Variants in NAV3 observed in about 807,000 individuals in gnomAD.
The protein encoded by NAV3 is pore membrane and/or filament interacting like protein 1.
In NAV3, 87 loss-of-function variants were observed where a neutral mutation model predicts 244.7. That is an observed-to-expected ratio of 0.36 (90% CI 0.30 to 0.42). NAV3 has a LOEUF of 0.42. Among genes scored for constraint, NAV3 ranks in the 20% least tolerant of loss-of-function variants. The pLI is 1.00. For synonymous variants in NAV3, 1,126 were observed against 1,042.2 expected (o/e 1.08, Z -1.55); for missense variants, 2,663 against 2,893.3 (o/e 0.92, Z 1.83).
chr12:77,701,051 A>G (rs550021999), intron 2 of NAV3, among the ~76,000 whole-genome samples: 7 of 151,928 alleles, frequency 4.6e-5, no homozygotes, highest in African/African-American at 1.7e-4. Context: ...GAGGTTTGGT[A>G]TCAGGATTAT....
chr12:77,835,295 C>G (rs1874436144), intron 1 of NAV3, among the ~76,000 whole-genome samples: 1 of 152,178 alleles, frequency 6.6e-6, no homozygotes, highest in Non-Finnish European at 1.5e-5. Flanking sequence ...GCCATGTGCT[C>G]AGCTAAGAAT....
intron 2 of NAV3, among the ~76,000 whole-genome samples, chr12:77,675,947 A>G (rs1874185351): frequency 6.6e-6 from 1 of 151,340 alleles, no homozygotes; most frequent in African/African-American, 2.4e-5. Flanking sequence ...AATGATGTTG[A>G]CCTCTGGATT....
At chr12:77,629,665 A>G (rs1460129826) in intron 2 of NAV3, among the ~76,000 whole-genome samples, 1 of 152,130 alleles carries the variant, frequency 6.6e-6, no homozygotes, top group Admixed American at 6.5e-5. Flanking sequence ...CCTAAGAATA[A>G]TGTTTTATGT....
At chr12:77,648,857 C>T (rs951158720) in intron 2 of NAV3, among the ~76,000 whole-genome samples, 2 of 151,952 alleles carry the variant, frequency 1.3e-5, no homozygotes, top group Non-Finnish European at 2.9e-5. Flanking sequence ...TCTTCTGGAG[C>T]TGATTAGAAA....
At chr12:77,974,747 A>G (rs908988858) in intron 5 of NAV3, among the ~76,000 whole-genome samples, 4 of 152,158 alleles carry the variant, frequency 2.6e-5, no homozygotes, top group Non-Finnish European at 5.9e-5. Flanking sequence ...AACCTGCTCA[A>G]ATTCCAGTGT....
At chr12:77,955,300 C>T (rs142482464) in intron 3 of NAV3, among the ~76,000 whole-genome samples, 4 of 152,090 alleles carry the variant, frequency 2.6e-5, no homozygotes, top group African/African-American at 7.2e-5. Context: ...AGCTCCTTCC[C>T]GCGTTCACCT....
intron 3 of NAV3, among the ~76,000 whole-genome samples, chr12:77,951,408 A>G (rs1890864005): frequency 1.3e-5 from 2 of 152,214 alleles, no homozygotes; most frequent in Admixed American, 1.3e-4. Context: ...ATCATTAAAA[A>G]GTCAGGAAAC....
At chr12:77,844,320 G>A (rs1401535161) in intron 1 of NAV3, among the ~76,000 whole-genome samples, 3 of 152,136 alleles carry the variant, frequency 2.0e-5, no homozygotes, top group Non-Finnish European at 4.4e-5. Flanking sequence ...CCCTTTTATA[G>A]GGGCCTTATT....
At chr12:78,049,951 C>A in intron 9 of NAV3, 42 bp from the exon 10 acceptor site, 1 of 1,407,646 alleles carries the variant, frequency 7.1e-7, no homozygotes, top group Non-Finnish European at 9.9e-7. Flanking sequence ...TTTGAGGATA[C>A]TAAATGTCAT....
intron 3 of NAV3, among the ~76,000 whole-genome samples, chr12:77,965,489 T>G (rs959693845): frequency 1.3e-5 from 2 of 152,018 alleles, no homozygotes; most frequent in East Asian, 3.9e-4. Context: ...CGTGGTGGCG[T>G]GCGCCTGTAG....
rs1425370152 is a variant in NAV3 at position 77,744,840 on chromosome 12, C to T, written c.72+172574C>T. Among the ~76,000 whole-genome samples the T allele has an allele frequency of 2.6e-5, 4 of 151,230 alleles. No individual in the cohort carries two copies. In the East Asian group the frequency reaches 7.8e-4, roughly 29 times the overall value. ...GGAAGATGTGTCATAAAACTAATAA[C>T]AATAATGTTTAGTATATTTATGTGT... is the stretch of plus-strand genomic sequence containing the variant. On this transcript the variant is annotated intron_variant, in intron 2 of 8. Transcript: ENST00000550042.
chr12:77,796,079 A>G (rs1191439334), intron 2 of NAV3, among the ~76,000 whole-genome samples: 1 of 152,228 alleles, frequency 6.6e-6, no homozygotes, highest in African/African-American at 2.4e-5. Context: ...TTTAAGAAAT[A>G]CATTTCATAA....
chr12:77,805,251 C>A (rs1028726060), intron 2 of NAV3, among the ~76,000 whole-genome samples: 3 of 152,160 alleles, frequency 2.0e-5, no homozygotes, highest in Non-Finnish European at 4.4e-5. Context: ...TGCAGGTTTT[C>A]AAAGGAAATG....
intron 2 of NAV3, among the ~76,000 whole-genome samples, chr12:77,585,173 C>T (rs1461678902): frequency 2.6e-5 from 4 of 152,192 alleles, no homozygotes; most frequent in African/African-American, 9.7e-5. Context: ...GAAGATGATC[C>T]TGCTTCCTAG....
Position 77,691,333 on chromosome 12 carries a change from G to GTACATATA in NAV3, c.72+119068_72+119069insACATATAT, listed in dbSNP as rs1214933751. On this transcript the variant is annotated intron_variant, in intron 2 of 8. Transcript: ENST00000550042. ...TAGTCATATATAAGTATTTGTGTAT[G>GTACATATA]TGTGTATATATATATATATATACAT... 6.8e-4 allele frequency among the ~76,000 whole-genome samples: 69 copies of GTACATATA among 100,932 alleles called. 1 individual carries two copies. Among genetic ancestry groups the GTACATATA allele is most frequent in the African/African-American group, 2.3e-3 (59 of 26,104 alleles). 66.2% of individuals were successfully genotyped at this position (100,932 alleles called of 152,430 possible). A position where few individuals can be genotyped will look rare whatever the true frequency, so the allele number is the denominator to read the frequency against.
rs184719610 is a variant in NAV3, at chr12:77,944,059, T to G, written c.414+2926T>G. On this transcript the variant is annotated intron_variant, in intron 3 of 39. Transcript: ENST00000397909. ...TACACTTGAGAATTGGAGGAGCAAATGTTTAGATAAATAACAGCAACAGTT... is the reference window on the plus strand; with the variant it reads ...TACACTTGAGAATTGGAGGAGCAAAGGTTTAGATAAATAACAGCAACAGTT... Among the ~76,000 whole-genome samples, 410 of 152,214 alleles carry G rather than the reference T, an allele frequency of 2.7e-3. 1 individual carries two copies. The highest frequency in any genetic ancestry group is 4.7e-3 in the Non-Finnish European group (320 of 68,000).
At chr12:77,877,017 A>AT (rs1236550538) in intron 1 of NAV3, among the ~76,000 whole-genome samples, 2 of 152,154 alleles carry the variant, frequency 1.3e-5, no homozygotes, top group African/African-American at 4.8e-5. Context: ...AAAACATTGT[A>AT]TATGTTCCTT....
chr12:77,991,099 C>G lies in NAV3; in HGVS notation c.672-3704C>G, dbSNP rs753903765. Among the ~76,000 whole-genome samples the G allele has an allele frequency of 2.6e-5, 4 of 152,092 alleles. No individual in the cohort carries two copies. In the South Asian group the frequency reaches 6.2e-4, roughly 24 times the overall value. On this transcript the variant is annotated intron_variant, in intron 5 of 39. Coordinates refer to ENST00000397909, the MANE Select transcript of NAV3 (RefSeq NM_001024383.2). ...GGAGTGCAATGGTGCTATCTTGGCT[C>G]ACTGCAACCTCCGCCTCCTGGGTTC... is the stretch of plus-strand genomic sequence containing the variant.
chr12:77,953,398 T>C (rs1891080302), intron 3 of NAV3, among the ~76,000 whole-genome samples: 1 of 152,148 alleles, frequency 6.6e-6, no homozygotes, highest in South Asian at 2.1e-4. Context: ...TGGATATATG[T>C]GTGTGTATAC....
Sources: allele counts gnomAD v4.1 joint callset (sites outside exome capture counted in the v4.1 genomes callset), GRCh38; gene constraint gnomAD v4.1.1; transcripts MANE v1.5; gene names NCBI Gene and HGNC (gene_info 2026-07-23, HGNC 2026-07-21).